CASC3: variants seen among roughly 807,000 people sequenced by gnomAD.
CASC3 encodes the protein CASC3 exon junction complex subunit, also known as protein CASC3.
A neutral mutation model predicts 80.5 loss-of-function variants in CASC3; 30 were observed. That is an observed-to-expected ratio of 0.37 (90% CI 0.28 to 0.51). The LOEUF (loss-of-function observed/expected upper bound fraction) is 0.51, where lower values mean the gene tolerates loss of function less well. Ranked by LOEUF, CASC3 falls within the 20% of genes least tolerant of loss-of-function variation. The pLI, the probability that CASC3 is intolerant of heterozygous loss-of-function variation, is 0.94. For missense variants in CASC3, 824 were observed against 922.2 expected, an observed-to-expected ratio of 0.89 and a Z score of 1.38; for synonymous variants, 312 against 333.6, an observed-to-expected ratio of 0.94 and a Z score of 0.70.
chr17:40,160,368 G>A (rs752463927), intron 3 of CASC3, among the ~76,000 whole-genome samples: 4 of 152,126 alleles, frequency 2.6e-5, no homozygotes, highest in Admixed American at 6.5e-5. Context: ...GGTGGCATGT[G>A]CCTGTAGTCG....
At position 40,169,450 on chromosome 17, in the gene CASC3, T is replaced by C; in HGVS notation, c.2088+4T>C. On this transcript the variant is annotated splice_donor_region_variant and intron_variant, in intron 12 of 13. Coordinates refer to ENST00000264645, the MANE Select transcript of CASC3 (RefSeq NM_007359.5). The stretch of plus-strand genomic sequence containing the variant: ...CATCAAGCCCCCTCCACCTGAGGTA[T>C]GAGAGTTCCTTCCTATACTTAATGC... 4.4e-6 allele frequency: 7 copies of C among 1,604,868 alleles called. No individual in the cohort carries two copies. Among genetic ancestry groups the C allele is most frequent in the Non-Finnish European group, 6.0e-6 (7 of 1,175,690 alleles).
In CASC3 at chr17:40,167,574, T is replaced by G; in HGVS notation, c.1613T>G (p.Val538Gly). Residue 538 changes from valine (V) to glycine (G), a missense_variant, in exon 9 of 14, where the codon GTG becomes GGG. Around this residue, in one of 3 missense-constraint regions of CASC3, gnomAD observed 464 missense variants for 506.0 expected, o/e 0.92. Coordinates refer to ENST00000264645, the MANE Select transcript of CASC3 (RefSeq NM_007359.5). ...GTGCCAGAGCCCCCCGCCCCTCCAG[T>G]GCATATCAGTATCATGGAGGGACAT... is the stretch of plus-strand genomic sequence containing the variant. ...RPVPEPPAPP[V>G]HISIMEGHYY... 4 of 1,613,904 alleles carry G rather than the reference T, an allele frequency of 2.5e-6. No individual in the cohort carries two copies. The highest frequency in any genetic ancestry group is 2.2e-5 in the South Asian group (2 of 91,064).
rs1567683752 is a variant in CASC3 at position 40,164,749 on chromosome 17, C to CGTTTTTT, written c.1471+583_1471+584insGTTTTTT. Among the ~76,000 whole-genome samples, 62 of 87,824 alleles carry CGTTTTTT rather than the reference C, an allele frequency of 7.1e-4. 1 individual carries two copies. Among genetic ancestry groups the CGTTTTTT allele is most frequent in the African/African-American group, 3.9e-3 (59 of 15,252 alleles). 57.6% of individuals were successfully genotyped at this position (87,824 alleles called of 152,430 possible). On this transcript the variant is annotated intron_variant, in intron 7 of 13. Transcript: ENST00000264645. ...TGTGAGCCACAGCCACCGTGCCTGG[C>CGTTTTTT]CTTTTTTTTTTTTTTTTTTTTTTTG...
chr17:40,163,608 G>A lies in CASC3; in HGVS notation c.913G>A (p.Gly305Ser), dbSNP rs778624046. The A allele has an allele frequency of 8.7e-6, 14 of 1,614,016 alleles. No individual in the cohort carries two copies. The highest frequency in any genetic ancestry group is 6.6e-5 in the South Asian group (6 of 91,090). The change falls in exon 7 of 14, where the codon GGC (glycine) becomes AGC (serine). Residue 305 changes from glycine (G) to serine (S), a missense_variant. Physicochemically the swap from Gly to Ser is moderately conservative, Grantham distance 56. Coordinates refer to ENST00000264645, the MANE Select transcript of CASC3 (RefSeq NM_007359.5). Reference protein sequence around the residue: ...TFINRNAAGTGRMSAPRNYSR... With the variant: ...TFINRNAAGTSRMSAPRNYSR... ...TATTAACAGGAATGCTGCAGGTACC[G>A]GCCGTATGTCTGCACCCAGGAATTA...
intron 3 of CASC3, among the ~76,000 whole-genome samples, chr17:40,159,996 G>T (rs931818569): frequency 6.6e-6 from 1 of 151,954 alleles, no homozygotes; most frequent in South Asian, 2.1e-4. Flanking sequence ...GATTACAGGC[G>T]TGAACCACTA....
At chr17:40,167,162 A>G (rs1989470643) in intron 8 of CASC3, 4 of 486,260 alleles carry the variant, frequency 8.2e-6, no homozygotes, top group East Asian at 3.8e-5. Context: ...GGGTTTCACC[A>G]TGTTGGCCAG....
intron 6 of CASC3, among the ~76,000 whole-genome samples, chr17:40,163,246 T>A (rs777890284): frequency 4.6e-5 from 7 of 152,162 alleles, no homozygotes; most frequent in Non-Finnish European, 7.4e-5. Flanking sequence ...GTGATTCTCC[T>A]GCTTCAGCCT....
At chr17:40,164,750 CTTTTTTTTTT>C (rs1022035416) in intron 7 of CASC3, among the ~76,000 whole-genome samples, 1 of 74,454 alleles carries the variant, frequency 1.3e-5, no homozygotes, top group Admixed American at 1.6e-4. Flanking sequence ...CGTGCCTGGC[CTTTTTTTTTT>C]TTTTTTTTTT....
At chr17:40,141,184 C>T (rs773645434) in intron 1 of CASC3, 23 bp from the exon 2 acceptor site, 1 of 1,611,792 alleles carries the variant, frequency 6.2e-7, no homozygotes, top group Non-Finnish European at 8.5e-7. Context: ...CAGAACTAAC[C>T]CATGTCTTCT....
chr17:40,157,342 CAAATAAATAAAT>C (rs748174698), intron 3 of CASC3, among the ~76,000 whole-genome samples: 2 of 145,966 alleles, frequency 1.4e-5, no homozygotes, highest in African/African-American at 5.0e-5. Context: ...GACTCCGTCT[CAAATAAATAAAT>C]AAATAAATAA....
chr17:40,168,021 C>T (rs1037849144), intron 10 of CASC3, 73 bp downstream of exon 10: 16 of 1,467,886 alleles, frequency 1.1e-5, no homozygotes, highest in Non-Finnish European at 1.3e-5. Flanking sequence ...AAAACCCATC[C>T]TCCTGAGCTT....
At position 40,170,610 on chromosome 17, in the gene CASC3, T is replaced by C; in HGVS notation, c.*205T>C. On this transcript the variant is annotated 3_prime_UTR_variant, in exon 14 of 14. Coordinates refer to ENST00000264645, the MANE Select transcript of CASC3 (RefSeq NM_007359.5). ...AGAGAGAGGGAGAAACAAGTGGACC[T>C]CGTCCCATCTTCACTCTTCACTTGA... 1.0e-6 allele frequency: 1 copy of C among 985,558 alleles called. No homozygotes were observed. The highest frequency in any genetic ancestry group is 1.2e-6 in the Non-Finnish European group (1 of 829,958). 61.1% of individuals were successfully genotyped at this position (985,558 alleles called of 1,614,324 possible). A position where few individuals can be genotyped will look rare whatever the true frequency, so the allele number is the denominator to read the frequency against.
intron 8 of CASC3, 109 bp from the exon 9 acceptor site, chr17:40,167,389 A>G: frequency 1.4e-6 from 1 of 695,648 alleles, no homozygotes; most frequent in African/African-American, 1.8e-5. Context: ...GCAAATATCC[A>G]TTAAATACCT....
intron 3 of CASC3, among the ~76,000 whole-genome samples, chr17:40,148,336 C>T (rs1414302497): frequency 1.3e-5 from 2 of 151,774 alleles, no homozygotes; most frequent in Non-Finnish European, 2.9e-5. Context: ...CAGAAGGAAG[C>T]CCTGGCAGCC....
intron 4 of CASC3, 25 bp from the exon 5 acceptor site, chr17:40,161,977 A>G (rs1447572267): frequency 6.8e-6 from 11 of 1,612,688 alleles, no homozygotes; most frequent in Non-Finnish European, 9.3e-6. Flanking sequence ...TTGGAAGAGT[A>G]AGGATCCCTT....
intron 10 of CASC3, 126 bp from the exon 11 acceptor site, chr17:40,168,077 C>T: frequency 7.8e-7 from 1 of 1,274,326 alleles, no homozygotes; most frequent in Non-Finnish European, 1.1e-6. Flanking sequence ...GCTTGGGCAA[C>T]AAGTTCCTCT....
Position 40,163,882 on chromosome 17 carries a change from A to G in CASC3, c.1187A>G (p.Asp396Gly). 1 of 1,614,142 alleles carries G rather than the reference A, an allele frequency of 6.2e-7. No homozygotes were observed. The highest frequency in any genetic ancestry group is 8.5e-7 in the Non-Finnish European group (1 of 1,180,026). The change falls in exon 7 of 14, where the codon GAT becomes GGT. Residue 396 changes from aspartate (D) to glycine (G), a missense_variant. Around this residue, in one of 3 missense-constraint regions of CASC3, gnomAD observed 464 missense variants for 506.0 expected, o/e 0.92. Transcript: ENST00000264645. ...AAPDAAPPPP[D>G]RPIEKKSYSR... is the part of the protein sequence containing the mutation. ...CCTGATGCTGCACCACCACCCCCTG[A>G]TAGGCCCATTGAGAAGAAATCCTAT...
Position 40,168,130 on chromosome 17 carries a change from G to A in CASC3, c.1751-73G>A. ...CTTCCATTCTGAGCCTGATTATACTGAGCAGTCCAGCCGGGCCATCCTGTG... is the reference window on the plus strand; with the variant it reads ...CTTCCATTCTGAGCCTGATTATACTAAGCAGTCCAGCCGGGCCATCCTGTG... On this transcript the variant is annotated intron_variant, in intron 10 of 13. Transcript: ENST00000264645. 3.5e-6 allele frequency: 5 copies of A among 1,412,964 alleles called. No individual in the cohort carries two copies. In the South Asian group the frequency reaches 4.6e-5, roughly 13 times the overall value. 87.5% of individuals were successfully genotyped at this position (1,412,964 alleles called of 1,614,324 possible). A position where few individuals can be genotyped will look rare whatever the true frequency, so the allele number is the denominator to read the frequency against.
chr17:40,147,957 C>T (rs1176549763), intron 3 of CASC3, among the ~76,000 whole-genome samples: 2 of 152,056 alleles, frequency 1.3e-5, no homozygotes, highest in Non-Finnish European at 1.5e-5. Flanking sequence ...ATAGAAGTTG[C>T]AATTTTGATA....
Sources: gnomAD v4.1 joint callset for allele counts (sites outside exome capture counted in the v4.1 genomes callset) on GRCh38, gnomAD v4.1.1 for gene constraint, gnomAD v4.1.1 regional missense constraint, MANE v1.5 for transcripts, NCBI Gene and HGNC (gene_info 2026-07-23, HGNC 2026-07-21) for gene names.